The following POU2F1 variants were observed in gnomAD, a reference collection of about 807,000 sequenced individuals.
POU2F1 encodes POU class 2 homeobox 1.
Under a neutral mutation model 84.9 loss-of-function variants are expected in POU2F1, and 16 were observed. The observed-to-expected ratio is 0.19, with a 90% CI of 0.13 to 0.29. The LOEUF (loss-of-function observed/expected upper bound fraction) is 0.29. Ranked by LOEUF, POU2F1 falls within the 10% of genes least tolerant of loss-of-function variation. The pLI, the probability that POU2F1 is intolerant of heterozygous loss-of-function variation, is 1.00. For missense variants in POU2F1, 738 were observed against 942.6 expected (o/e 0.78, Z 2.84); for synonymous variants, 368 against 368.3 (o/e 1.00, Z 0.01).
At chr1:167,229,549 G>T (rs1648901100) in intron 1 of POU2F1, among the ~76,000 whole-genome samples, 1 of 152,138 alleles carries the variant, frequency 6.6e-6, no homozygotes, top group Non-Finnish European at 1.5e-5. Context: ...TTTTGGCTTT[G>T]GCACTGTCTT....
chr1:167,253,376 G>GGCC (rs1650873113), intron 1 of POU2F1, among the ~76,000 whole-genome samples: 1 of 121,590 alleles, frequency 8.2e-6, no homozygotes, highest in African/African-American at 4.0e-5. Flanking sequence ...TTATTTTTCT[G>GGCC]CCCCCCCCCC....
rs1038876799 is a variant in POU2F1, at chr1:167,424,637, C to T, written c.*8827C>T. ...AACTCTGGCCTATAGCATCATGGGA[C>T]CTGTAGCCTAGGGTGGGACCCCCTA... On this transcript the variant is annotated 3_prime_UTR_variant, in exon 16 of 16. Coordinates refer to ENST00000367866, the MANE Select transcript of POU2F1 (RefSeq NM_002697.4). The T allele has an allele frequency of 6.6e-6, 1 of 152,242 alleles. No individual in the cohort carries two copies. The highest frequency in any genetic ancestry group is 1.5e-5 in the Non-Finnish European group (1 of 68,060). The allele number at this position is 152,242 out of a possible 1,614,324, so 9.4% of individuals were successfully genotyped here.
intron 1 of POU2F1, among the ~76,000 whole-genome samples, chr1:167,291,492 T>G (rs939204448): frequency 2.0e-5 from 3 of 152,208 alleles, no homozygotes; most frequent in Non-Finnish European, 4.4e-5. Flanking sequence ...TATTTTCTTT[T>G]GTGGCCTGTA....
chr1:167,342,656 A>G (rs1657932462), intron 2 of POU2F1, among the ~76,000 whole-genome samples: 1 of 152,210 alleles, frequency 6.6e-6, no homozygotes, highest in Non-Finnish European at 1.5e-5. Context: ...GAAAAGCCTC[A>G]AAATAGACCT....
chr1:167,238,692 A>C (rs1260649595), intron 1 of POU2F1, among the ~76,000 whole-genome samples: 1 of 152,218 alleles, frequency 6.6e-6, no homozygotes, highest in Admixed American at 6.5e-5. Flanking sequence ...AAGAATGGAG[A>C]TACTGCATAT....
At chr1:167,401,607 TG>T (rs1416062583) in intron 13 of POU2F1, 51 bp downstream of exon 13, 1 of 1,294,136 alleles carries the variant, frequency 7.7e-7, no homozygotes, top group East Asian at 2.6e-5. Context: ...AGGCCCGTTT[TG>T]GGTTATTATA....
In POU2F1 at chr1:167,340,416, CTTTTTTCT is replaced by C. The variant is rs1470864462; in HGVS notation, c.127+7896_127+7903del. Among the ~76,000 whole-genome samples, 465 of 143,710 alleles carry C rather than the reference CTTTTTTCT, an allele frequency of 3.2e-3. 3 individuals are homozygous for C. The highest frequency in any genetic ancestry group is 0.012 in the African/African-American group (447 of 37,744). 94.3% of individuals were successfully genotyped at this position (143,710 alleles called of 152,430 possible). ...TTTTACCCTTTGAGCTATGTTGTTT[CTTTTTTCT>C]TTTTTTCTTTTTTTTTTTTTTTTTG... On this transcript the variant is annotated intron_variant, in intron 2 of 15. Coordinates refer to ENST00000367866, the MANE Select transcript of POU2F1 (RefSeq NM_002697.4).
chr1:167,273,291 G>A (rs1208321367), intron 1 of POU2F1, among the ~76,000 whole-genome samples: 4 of 152,296 alleles, frequency 2.6e-5, no homozygotes, highest in Middle Eastern at 3.4e-3. Flanking sequence ...AGAACAAGCC[G>A]TCAGTAGATC....
rs1174101871 is a variant in POU2F1, at chr1:167,416,363, A to G, written c.*553A>G. ...CTTTCTTAACTGGTACAATTTAGGC[A>G]GGCCTGTATTACTGTATTATTATTG... is the stretch of plus-strand genomic sequence containing the variant. On this transcript the variant is annotated 3_prime_UTR_variant, in exon 16 of 16. Coordinates refer to ENST00000367866, the MANE Select transcript of POU2F1 (RefSeq NM_002697.4). 4.7e-6 allele frequency: 1 copy of G among 214,546 alleles called. No homozygotes were observed. Among genetic ancestry groups the G allele is most frequent in the East Asian group, 1.3e-4 (1 of 7,522 alleles). The allele number at this position is 214,546 out of a possible 1,614,324, so 13.3% of individuals were successfully genotyped here. A position where few individuals can be genotyped will look rare whatever the true frequency, so the allele number is the denominator to read the frequency against.
In POU2F1 at chr1:167,275,205, T is replaced by G. The variant is rs1652644137; in HGVS notation, c.61+54247T>G. The stretch of plus-strand genomic sequence containing the variant: ...ATGCCTGGATTTGGTTTTTGTTTTC[T>G]TTGTAGTGATGGAGTCCCAGTATGT... On this transcript the variant is annotated intron_variant, in intron 1 of 15. Coordinates refer to ENST00000367866, the MANE Select transcript of POU2F1 (RefSeq NM_002697.4). Among the ~76,000 whole-genome samples the G allele has an allele frequency of 2.0e-5, 3 of 152,016 alleles. No homozygotes were observed. The South Asian group carries it at 6.3e-4, about 32-fold the overall frequency.
At chr1:167,240,396 A>G (rs1040589938) in intron 1 of POU2F1, among the ~76,000 whole-genome samples, 1 of 152,236 alleles carries the variant, frequency 6.6e-6, no homozygotes, top group Non-Finnish European at 1.5e-5. Flanking sequence ...AAAAAAGAGT[A>G]AGAGTTGAAT....
At chr1:167,261,834 G>T (rs1651592548) in intron 1 of POU2F1, among the ~76,000 whole-genome samples, 1 of 152,040 alleles carries the variant, frequency 6.6e-6, no homozygotes, top group Non-Finnish European at 1.5e-5. Flanking sequence ...ACAGGCACGT[G>T]CCATCATGCC....
At chr1:167,330,923 A>T (rs965169858) in intron 1 of POU2F1, among the ~76,000 whole-genome samples, 1 of 152,114 alleles carries the variant, frequency 6.6e-6, no homozygotes, top group Non-Finnish European at 1.5e-5. Flanking sequence ...ATGGAGCAGT[A>T]TGTATGCTAA....
intron 1 of POU2F1, among the ~76,000 whole-genome samples, chr1:167,226,237 C>A (rs1012213271): frequency 3.3e-5 from 5 of 152,124 alleles, no homozygotes; most frequent in African/African-American, 1.2e-4. Context: ...ATTTCTGTAC[C>A]CTTTCTGCAT....
chr1:167,329,440 G>A lies in POU2F1; in HGVS notation c.62-3030G>A, dbSNP rs572464609. 10 of 1,007,590 alleles carry A rather than the reference G, an allele frequency of 9.9e-6. No homozygotes were observed. The East Asian group carries it at 2.6e-4, about 26-fold the overall frequency. 62.4% of individuals were successfully genotyped at this position (1,007,590 alleles called of 1,614,324 possible). ...GGGGAGAGTTGGACTGAGCAGGGAAGGAGGAAAGCATTTGCAAAGCACAAG... is the reference window on the plus strand; with the variant it reads ...GGGGAGAGTTGGACTGAGCAGGGAAAGAGGAAAGCATTTGCAAAGCACAAG... On this transcript the variant is annotated intron_variant, in intron 1 of 15. Transcript: ENST00000367866.
intron 1 of POU2F1, among the ~76,000 whole-genome samples, chr1:167,224,416 A>C (rs970758002): frequency 3.9e-5 from 6 of 152,234 alleles, no homozygotes; most frequent in African/African-American, 1.4e-4. Context: ...AAAATAAGGT[A>C]GAATACTCAC....
chr1:167,358,788 A>G lies in POU2F1; in HGVS notation c.128-6679A>G, dbSNP rs1659158289. ...AGGCTGGTCTTGAACTCCTGGCCTC[A>G]AGTAATTCTTCTGCTTCAGCCTGTC... On this transcript the variant is annotated intron_variant, in intron 2 of 15. Coordinates refer to ENST00000367866, the MANE Select transcript of POU2F1 (RefSeq NM_002697.4). 2.4e-5 allele frequency among the ~76,000 whole-genome samples: 3 copies of G among 127,064 alleles called. No individual in the cohort carries two copies. The South Asian group carries it at 7.3e-4, about 31-fold the overall frequency. The allele number at this position is 127,064 out of a possible 152,430, so 83.4% of individuals were successfully genotyped here. A position where few individuals can be genotyped will look rare whatever the true frequency, so the allele number is the denominator to read the frequency against.
intron 1 of POU2F1, among the ~76,000 whole-genome samples, chr1:167,307,753 AC>A (rs1655180640): frequency 6.6e-6 from 1 of 152,144 alleles, no homozygotes; most frequent in Admixed American, 6.5e-5. Flanking sequence ...TAATCCGTAG[AC>A]CCTATTCAAA....
chr1:167,409,006 T>G (rs1649777283), intron 13 of POU2F1, among the ~76,000 whole-genome samples: 1 of 152,238 alleles, frequency 6.6e-6, no homozygotes, highest in Non-Finnish European at 1.5e-5. Flanking sequence ...CTGTGGCTTT[T>G]GAAGCGCAAA....
Sources: allele counts gnomAD v4.1 joint callset (sites outside exome capture counted in the v4.1 genomes callset), GRCh38; gene constraint gnomAD v4.1.1; transcripts MANE v1.5; gene names NCBI Gene and HGNC (gene_info 2026-07-23, HGNC 2026-07-21).